Variants in PLCB1 observed in about 807,000 individuals in gnomAD.
The protein encoded by PLCB1 is phospholipase C beta 1.
PLCB1 carries 46 observed loss-of-function variants against 161.8 expected under a neutral mutation model. The observed-to-expected ratio is 0.28, with a 90% CI of 0.22 to 0.36. The LOEUF is 0.36. PLCB1 is among the 10% of genes least tolerant of loss of function. The pLI is 1.00. For synonymous variants in PLCB1, 517 were observed against 503.7 expected, an observed-to-expected ratio of 1.03 and a Z score of -0.35; for missense variants, 1,016 against 1,472.5, an observed-to-expected ratio of 0.69 and a Z score of 5.07.
chr20:8,813,780 A>G (rs1984947208), intron 31 of PLCB1, among the ~76,000 whole-genome samples: 1 of 152,194 alleles, frequency 6.6e-6, no homozygotes, highest in Admixed American at 6.5e-5. Flanking sequence ...GCAGTGAATT[A>G]TGATCACACC....
intron 4 of PLCB1, among the ~76,000 whole-genome samples, chr20:8,632,035 C>CTTTTTTTTTGT (rs1988608460): frequency 2.2e-5 from 1 of 45,984 alleles, no homozygotes. Flanking sequence ...GTTTTTTTTG[C>CTTTTTTTTTGT]TTTTTTTTTT....
chr20:8,449,415 A>G (rs227132), intron 3 of PLCB1, among the ~76,000 whole-genome samples: 52,645 of 152,100 alleles, frequency 0.35, 9,432 homozygotes, highest in Non-Finnish European at 0.37. Context: ...TTAATTGCCT[A>G]TCGCTAGTGT....
chr20:8,777,079 G>T (rs549640471), intron 27 of PLCB1, among the ~76,000 whole-genome samples: 32 of 152,274 alleles, frequency 2.1e-4, no homozygotes, highest in African/African-American at 6.5e-4. Context: ...CTGAGTGTTG[G>T]GGGAACAGCA....
rs530224044 is a variant in PLCB1 at position 8,755,105 on chromosome 20, C to T, written c.2524-1941C>T. ...TCCCCTAACTGATGTCCAGCCACTG[C>T]TACTAAGGGCTCTTCCAGCATTGAG... On this transcript the variant is annotated intron_variant, in intron 23 of 31. Transcript: ENST00000338037. Among the ~76,000 whole-genome samples, 4 of 152,264 alleles carry T rather than the reference C, an allele frequency of 2.6e-5. No individual in the cohort carries two copies. The South Asian group carries it at 8.3e-4, about 32-fold the overall frequency.
At chr20:8,335,882 A>G (rs1451450665) in intron 2 of PLCB1, among the ~76,000 whole-genome samples, 2 of 152,328 alleles carry the variant, frequency 1.3e-5, no homozygotes, top group Non-Finnish European at 1.5e-5. Context: ...CCAAGAAAAA[A>G]GGACTTCTGG....
At chr20:8,749,966 A>T (rs79920856) in intron 23 of PLCB1, among the ~76,000 whole-genome samples, 163 of 149,894 alleles carry the variant, frequency 1.1e-3, no homozygotes, top group East Asian at 1.4e-3. Flanking sequence ...TTTTTTTTTT[A>T]AAAAAACCCA....
intron 27 of PLCB1, among the ~76,000 whole-genome samples, chr20:8,781,714 G>A (rs567051932): frequency 5.1e-4 from 77 of 152,260 alleles, no homozygotes; most frequent in African/African-American, 1.9e-3. Flanking sequence ...TGGCTGGGGA[G>A]GCCTCATAAT....
At chr20:8,171,909 G>C (rs1005319359) in intron 2 of PLCB1, among the ~76,000 whole-genome samples, 12 of 152,170 alleles carry the variant, frequency 7.9e-5, no homozygotes, top group African/African-American at 2.9e-4. Context: ...AATTTCTGAG[G>C]ATAGGTTGGT....
Position 8,881,748 on chromosome 20 carries a change from C to T in PLCB1, c.3550C>T (p.Leu1184Phe), listed in dbSNP as rs28390202. 4.1e-3 allele frequency: 6,637 copies of T among 1,614,034 alleles called. 18 individuals carry two copies. Among genetic ancestry groups the T allele is most frequent in the Non-Finnish European group, 5.2e-3 (6,157 of 1,179,924 alleles). Reference protein sequence around the residue: ...SEDSNHGSAPLSLSSDPGKVN... With the variant: ...SEDSNHGSAPFSLSSDPGKVN... Reference sequence around the variant, plus strand: ...AGACAGCAATCACGGTTCTGCCCCTCTCTCCCTGTCCTCAGACCCTGGAAA... The same window carrying T: ...AGACAGCAATCACGGTTCTGCCCCTTTCTCCCTGTCCTCAGACCCTGGAAA... Residue 1184 changes from leucine to phenylalanine, a missense_variant, in exon 32 of 32, where the codon CTC becomes TTC. Physicochemically the swap from Leu to Phe is conservative, Grantham distance 22. Around this residue, in one of 10 missense-constraint regions of PLCB1, gnomAD observed 398 missense variants for 445.4 expected, o/e 0.89. Coordinates refer to ENST00000338037, the MANE Select transcript of PLCB1 (RefSeq NM_015192.4).
intron 2 of PLCB1, among the ~76,000 whole-genome samples, chr20:8,258,508 C>T (rs975741191): frequency 1.3e-5 from 2 of 152,090 alleles, no homozygotes; most frequent in Non-Finnish European, 2.9e-5. Context: ...GAATTTCATA[C>T]ACTTGAAGAA....
At chr20:8,250,962 C>T (rs1334560162) in intron 2 of PLCB1, among the ~76,000 whole-genome samples, 2 of 151,990 alleles carry the variant, frequency 1.3e-5, no homozygotes, top group Non-Finnish European at 2.9e-5. Flanking sequence ...TCTGTTCAGA[C>T]TGCTATTACA....
At chr20:8,470,370 A>G (rs374071065) in intron 3 of PLCB1, among the ~76,000 whole-genome samples, 3 of 152,208 alleles carry the variant, frequency 2.0e-5, no homozygotes, top group Non-Finnish European at 4.4e-5. Flanking sequence ...TCATTTTACA[A>G]TTCCACTAGC....
intron 2 of PLCB1, among the ~76,000 whole-genome samples, chr20:8,179,579 C>T (rs1022533459): frequency 6.6e-5 from 10 of 152,128 alleles, no homozygotes; most frequent in Admixed American, 5.2e-4. Flanking sequence ...AAAATCATAT[C>T]GTCTGCAAAC....
intron 3 of PLCB1, among the ~76,000 whole-genome samples, chr20:8,482,050 C>T (rs1982519953): frequency 6.9e-6 from 1 of 145,074 alleles, no homozygotes; most frequent in Admixed American, 6.8e-5. Flanking sequence ...TTTAATAAAA[C>T]ATATGTTTCT....
At chr20:8,460,623 G>A (rs540819442) in intron 3 of PLCB1, among the ~76,000 whole-genome samples, 2 of 152,290 alleles carry the variant, frequency 1.3e-5, no homozygotes, top group East Asian at 3.9e-4. Context: ...TGATTTCTTA[G>A]TGTTTATTTT....
At chr20:8,236,089 T>A (rs1285646006) in intron 2 of PLCB1, among the ~76,000 whole-genome samples, 1 of 152,130 alleles carries the variant, frequency 6.6e-6, no homozygotes, top group Non-Finnish European at 1.5e-5. Flanking sequence ...TAATTTGAAA[T>A]TTTTTGAAGA....
At chr20:8,814,352 C>T (rs548089499) in intron 31 of PLCB1, among the ~76,000 whole-genome samples, 1 of 152,304 alleles carries the variant, frequency 6.6e-6, no homozygotes, top group Admixed American at 6.5e-5. Flanking sequence ...CTAAATATTA[C>T]ATTTCGAGAA....
chr20:8,245,441 G>A (rs1980833945), intron 2 of PLCB1, among the ~76,000 whole-genome samples: 1 of 151,888 alleles, frequency 6.6e-6, no homozygotes, highest in African/African-American at 2.4e-5. Context: ...AAACTTCATG[G>A]AAATTCCTGT....
chr20:8,654,104 C>A (rs1217753820), intron 7 of PLCB1, among the ~76,000 whole-genome samples: 1 of 151,710 alleles, frequency 6.6e-6, no homozygotes, highest in Non-Finnish European at 1.5e-5. Context: ...TATGACATTA[C>A]CAGGTCTATG....
Sources: allele counts gnomAD v4.1 joint callset (sites outside exome capture counted in the v4.1 genomes callset), GRCh38; gene constraint gnomAD v4.1.1; regional missense constraint gnomAD v4.1.1; transcripts MANE v1.5; gene names NCBI Gene and HGNC (gene_info 2026-07-23, HGNC 2026-07-21).